Variants in PAPPA observed in about 807,000 individuals in gnomAD.
PAPPA encodes pappalysin 1.
In PAPPA, 60 loss-of-function variants were observed where a neutral mutation model predicts 164.0. The observed-to-expected ratio is 0.37, with a 90% CI of 0.30 to 0.45. PAPPA has a LOEUF of 0.45. PAPPA is among the 20% of genes least tolerant of loss of function. The pLI is 1.00. For missense variants in PAPPA, 1,782 were observed against 2,087.3 expected (o/e 0.85, Z 2.85); for synonymous variants, 875 against 814.1 (o/e 1.07, Z -1.27).
chr9:116,232,323 C>T (rs996091160), intron 6 of PAPPA, among the ~76,000 whole-genome samples: 6 of 152,256 alleles, frequency 3.9e-5, no homozygotes, highest in Admixed American at 3.3e-4. Context: ...CTTGTTAATA[C>T]GTCCCTACTT....
At chr9:116,212,197 T>C (rs977036848) in intron 4 of PAPPA, among the ~76,000 whole-genome samples, 2 of 152,224 alleles carry the variant, frequency 1.3e-5, no homozygotes, top group Non-Finnish European at 2.9e-5. Flanking sequence ...GAACCTTTTT[T>C]ATTTAACCCA....
At chr9:116,281,896 C>A (rs1203680411) in intron 9 of PAPPA, among the ~76,000 whole-genome samples, 1 of 152,140 alleles carries the variant, frequency 6.6e-6, no homozygotes, top group African/African-American at 2.4e-5. Flanking sequence ...GGGCCATTAT[C>A]CCCCACTTTA....
chr9:116,186,097 C>T (rs1276511416), intron 1 of PAPPA, among the ~76,000 whole-genome samples: 1 of 152,060 alleles, frequency 6.6e-6, no homozygotes, highest in Non-Finnish European at 1.5e-5. Flanking sequence ...AGTGCATATA[C>T]AGACCTTAGC....
intron 8 of PAPPA, among the ~76,000 whole-genome samples, chr9:116,270,097 G>T (rs1399460762): frequency 6.6e-6 from 1 of 152,180 alleles, no homozygotes; most frequent in Non-Finnish European, 1.5e-5. Context: ...GGTCCCAGCT[G>T]GTCTCTGGGG....
chr9:116,297,844 C>G (rs1845528706), intron 9 of PAPPA, among the ~76,000 whole-genome samples: 1 of 152,140 alleles, frequency 6.6e-6, no homozygotes, highest in Non-Finnish European at 1.5e-5. Flanking sequence ...TCTTTAAGAC[C>G]AGTATTATTT....
At chr9:116,200,888 G>C (rs954330335) in intron 2 of PAPPA, among the ~76,000 whole-genome samples, 3 of 152,070 alleles carry the variant, frequency 2.0e-5, no homozygotes, top group Non-Finnish European at 2.9e-5. Flanking sequence ...TGGAGGTAAG[G>C]AAAGAATGAC....
intron 1 of PAPPA, among the ~76,000 whole-genome samples, chr9:116,165,364 C>T (rs555827662): frequency 7.2e-5 from 11 of 152,312 alleles, no homozygotes; most frequent in African/African-American, 2.4e-4. Flanking sequence ...ATCATCTTTC[C>T]TCCAAAATTC....
chr9:116,293,261 G>A (rs1002086357), intron 9 of PAPPA, among the ~76,000 whole-genome samples: 3 of 152,188 alleles, frequency 2.0e-5, no homozygotes, highest in African/African-American at 7.2e-5. Flanking sequence ...AAGGAGGTTT[G>A]CGTTTTTATT....
At chr9:116,194,558 A>T (rs1398604087) in intron 2 of PAPPA, among the ~76,000 whole-genome samples, 2 of 152,210 alleles carry the variant, frequency 1.3e-5, no homozygotes, top group Admixed American at 6.5e-5. Flanking sequence ...CCAGGGTTTG[A>T]ATCTTGGCTC....
chr9:116,252,840 T>C (rs966045363), intron 7 of PAPPA, among the ~76,000 whole-genome samples: 1 of 152,210 alleles, frequency 6.6e-6, no homozygotes, highest in African/African-American at 2.4e-5. Flanking sequence ...GAACTGTTCT[T>C]AATCTAGAAA....
chr9:116,321,248 C>T (rs1315009975), intron 10 of PAPPA, among the ~76,000 whole-genome samples: 1 of 151,862 alleles, frequency 6.6e-6, no homozygotes, highest in African/African-American at 2.4e-5. Flanking sequence ...AAGATGGTCT[C>T]GATCTCCTGA....
chr9:116,339,942 A>G (rs1846112531), intron 13 of PAPPA, among the ~76,000 whole-genome samples: 2 of 152,292 alleles, frequency 1.3e-5, no homozygotes, highest in Non-Finnish European at 2.9e-5. Flanking sequence ...TTTGAGTCCA[A>G]AGGTAAATAT....
intron 19 of PAPPA, among the ~76,000 whole-genome samples, chr9:116,371,096 C>T (rs1037937662): frequency 6.6e-6 from 1 of 152,118 alleles, no homozygotes; most frequent in Non-Finnish European, 1.5e-5. Context: ...ATGAGTGAAG[C>T]AGGCCAAACA....
chr9:116,392,313 A>G (rs1354238892), intron 21 of PAPPA, among the ~76,000 whole-genome samples: 1 of 152,134 alleles, frequency 6.6e-6, no homozygotes, highest in African/African-American at 2.4e-5. Flanking sequence ...AAGTGTTTGA[A>G]GTGGGGTTTG....
At chr9:116,250,303 T>C (rs1399099506) in intron 7 of PAPPA, among the ~76,000 whole-genome samples, 1 of 152,192 alleles carries the variant, frequency 6.6e-6, no homozygotes, top group Non-Finnish European at 1.5e-5. Flanking sequence ...TCCATTCTGA[T>C]GCTAGCTTTT....
chr9:116,248,728 C>T (rs533741077), intron 7 of PAPPA, among the ~76,000 whole-genome samples: 2 of 152,280 alleles, frequency 1.3e-5, no homozygotes, highest in South Asian at 2.1e-4. Flanking sequence ...ATTCTCTACC[C>T]CTAGCTTCTT....
chr9:116,303,059 C>T (rs1845599690), intron 10 of PAPPA, 109 bp downstream of exon 10: 1 of 784,436 alleles, frequency 1.3e-6, no homozygotes. Context: ...GCCACTTGAG[C>T]ATATCTTTAT....
intron 19 of PAPPA, among the ~76,000 whole-genome samples, chr9:116,377,277 G>A (rs1260760792): frequency 6.6e-6 from 1 of 151,906 alleles, no homozygotes; most frequent in African/African-American, 2.4e-5. Context: ...AATATTAGTC[G>A]AGAATTTTCT....
intron 1 of PAPPA, among the ~76,000 whole-genome samples, chr9:116,156,249 A>C (rs1432638600): frequency 6.8e-6 from 1 of 147,004 alleles, no homozygotes; most frequent in Non-Finnish European, 1.5e-5. Flanking sequence ...ATGCATTTTA[A>C]CTATGTAAGT....
Sources: allele counts gnomAD v4.1 joint callset (sites outside exome capture counted in the v4.1 genomes callset), GRCh38; gene constraint gnomAD v4.1.1; transcripts MANE v1.5; gene names NCBI Gene and HGNC (gene_info 2026-07-23, HGNC 2026-07-21).